Variants in PCDH15 observed in about 807,000 individuals in gnomAD.
PCDH15 encodes the protein protocadherin-15.
In PCDH15, 129 loss-of-function variants were observed where a neutral mutation model predicts 178.5. The observed-to-expected ratio is 0.72, with a 90% confidence interval of 0.63 to 0.84. The LOEUF (loss-of-function observed/expected upper bound fraction) is 0.84, where lower values mean the gene tolerates loss of function less well. Among genes scored for constraint, PCDH15 ranks in the 40% least tolerant of loss-of-function variants. PCDH15 has a pLI of 0.00. For synonymous variants in PCDH15, 800 were observed against 732.0 expected (o/e 1.09, Z -1.50); for missense variants, 2,230 against 2,099.9 (o/e 1.06, Z -1.21).
intron 2 of PCDH15, among the ~76,000 whole-genome samples, chr10:55,585,027 A>T (rs955759012): frequency 4.6e-5 from 7 of 151,048 alleles, no homozygotes; most frequent in African/African-American, 7.3e-5. Context: ...CAGATAATGG[A>T]GAATTATAAA....
chr10:55,146,033 A>C (rs1838500465), intron 2 of PCDH15, among the ~76,000 whole-genome samples: 1 of 26,542 alleles, frequency 3.8e-5, no homozygotes, highest in Admixed American at 3.7e-4. Context: ...AAATTTTCGA[A>C]CTCAGCTTTT....
intron 1 of PCDH15, among the ~76,000 whole-genome samples, chr10:54,745,892 A>G (rs2132883031): frequency 6.6e-6 from 1 of 152,324 alleles, no homozygotes; most frequent in South Asian, 2.1e-4. Context: ...TACTTTTATT[A>G]GATATTTTCT....
At chr10:54,069,888 T>C (rs2094207171) in intron 17 of PCDH15, among the ~76,000 whole-genome samples, 1 of 152,144 alleles carries the variant, frequency 6.6e-6, no homozygotes, top group Non-Finnish European at 1.5e-5. Flanking sequence ...TAACACATGT[T>C]CACAATTAAT....
chr10:55,171,502 C>T (rs1380733894), intron 1 of PCDH15, among the ~76,000 whole-genome samples: 2 of 151,738 alleles, frequency 1.3e-5, no homozygotes, highest in Non-Finnish European at 2.9e-5. Context: ...TTATTTTAGG[C>T]CACGATAATA....
chr10:55,432,382 G>C (rs1838903179), intron 2 of PCDH15, among the ~76,000 whole-genome samples: 1 of 152,124 alleles, frequency 6.6e-6, no homozygotes, highest in African/African-American at 2.4e-5. Flanking sequence ...GCTATGGAAG[G>C]CATTGCAGGG....
chr10:55,101,423 C>T (rs1224449976), intron 2 of PCDH15, among the ~76,000 whole-genome samples: 1 of 149,684 alleles, frequency 6.7e-6, no homozygotes, highest in Non-Finnish European at 1.5e-5. Flanking sequence ...TTTTTTATGG[C>T]CACTCCTCTT....
At chr10:54,949,435 C>T (rs1670836) in intron 2 of PCDH15, among the ~76,000 whole-genome samples, 29,015 of 151,838 alleles carry the variant, frequency 0.19, 3,232 homozygotes, top group African/African-American at 0.3. Context: ...AATTACCTTC[C>T]AGGCCTCTGG....
At position 54,420,957 on chromosome 10, in the gene PCDH15, G is replaced by A. The variant is rs114265023; in HGVS notation, c.158-42015C>T. Among the ~76,000 whole-genome samples the A allele has an allele frequency of 3.5e-3, 536 of 152,126 alleles. 2 individuals carry two copies. The highest frequency in any genetic ancestry group is 0.013 in the African/African-American group (522 of 41,524). ...TAAATGTGATCATTGGTAGAGATAGGCTTTAATAGGCATTTGAATGTCTCC... is the reference window on the plus strand; with the variant it reads ...TAAATGTGATCATTGGTAGAGATAGACTTTAATAGGCATTTGAATGTCTCC... On this transcript the variant is annotated intron_variant, in intron 3 of 37. Transcript: ENST00000644397.
chr10:55,622,668 A>C (rs1334472437), intron 2 of PCDH15, among the ~76,000 whole-genome samples: 1 of 152,200 alleles, frequency 6.6e-6, no homozygotes, highest in Non-Finnish European at 1.5e-5. Flanking sequence ...CAATTCTTAG[A>C]AGACTATCAT....
intron 2 of PCDH15, among the ~76,000 whole-genome samples, chr10:55,126,578 ACT>A (rs1837905923): frequency 6.6e-6 from 1 of 152,076 alleles, no homozygotes; most frequent in Admixed American, 6.6e-5. Context: ...CAGACAGTTG[ACT>A]CTGAATTACA....
At chr10:55,013,209 C>T (rs1353303225) in intron 2 of PCDH15, among the ~76,000 whole-genome samples, 1 of 152,098 alleles carries the variant, frequency 6.6e-6, no homozygotes, top group Non-Finnish European at 1.5e-5. Flanking sequence ...CTGGATGTGG[C>T]CTTTTGCATG....
chr10:53,917,524 T>C (rs1483256407), intron 25 of PCDH15, among the ~76,000 whole-genome samples: 1 of 152,232 alleles, frequency 6.6e-6, no homozygotes, highest in Non-Finnish European at 1.5e-5. Context: ...TGCAATTTGC[T>C]AAGCACTTGA....
chr10:54,679,528 C>G (rs1214392117), intron 1 of PCDH15, among the ~76,000 whole-genome samples: 2 of 152,208 alleles, frequency 1.3e-5, no homozygotes, highest in African/African-American at 4.8e-5. Flanking sequence ...CTTCCACTAA[C>G]TAAGTATTAA....
chr10:54,253,598 C>T (rs1330611429), intron 8 of PCDH15, among the ~76,000 whole-genome samples: 2 of 151,958 alleles, frequency 1.3e-5, no homozygotes, highest in Non-Finnish European at 2.9e-5. Flanking sequence ...TGAACTTTGT[C>T]TCTGATATAA....
At chr10:54,370,724 CTATTT>C (rs1389106957) in intron 4 of PCDH15, among the ~76,000 whole-genome samples, 2 of 151,214 alleles carry the variant, frequency 1.3e-5, no homozygotes, top group Admixed American at 6.7e-5. Flanking sequence ...CATACATATC[CTATTT>C]TATTTATTAA....
chr10:55,282,823 A>C (rs951598741), intron 1 of PCDH15, among the ~76,000 whole-genome samples: 1 of 152,164 alleles, frequency 6.6e-6, no homozygotes, highest in African/African-American at 2.4e-5. Context: ...CCTTTGCAAA[A>C]ATTATAACTG....
intron 2 of PCDH15, among the ~76,000 whole-genome samples, chr10:54,899,679 G>A (rs950647271): frequency 6.6e-6 from 1 of 151,924 alleles, no homozygotes; most frequent in Non-Finnish European, 1.5e-5. Context: ...TGTATTTTTA[G>A]TAGAGATGGG....
intron 1 of PCDH15, among the ~76,000 whole-genome samples, chr10:55,294,124 G>A (rs1315924739): frequency 6.6e-6 from 1 of 152,100 alleles, no homozygotes; most frequent in Non-Finnish European, 1.5e-5. Flanking sequence ...GATGGCAGCA[G>A]GCAAAGAGAG....
intron 25 of PCDH15, among the ~76,000 whole-genome samples, chr10:53,925,915 CCTTGA>C (rs2084504927): frequency 1.3e-5 from 2 of 152,158 alleles, no homozygotes; most frequent in African/African-American, 4.8e-5. Flanking sequence ...CATAACAATT[CCTTGA>C]CTTAAGTACT....
Sources: allele counts gnomAD v4.1 joint callset (sites outside exome capture counted in the v4.1 genomes callset), GRCh38; gene constraint gnomAD v4.1.1; transcripts MANE v1.5; gene names NCBI Gene and HGNC (gene_info 2026-07-23, HGNC 2026-07-21).